The following CYRIA variants were observed in gnomAD, a reference collection of about 807,000 sequenced individuals.
CYRIA encodes CYFIP related Rac1 interactor A, also known as CYFIP-related Rac1 interactor A.
In CYRIA, 15 loss-of-function variants were observed where a neutral mutation model predicts 43.9. The ratio of observed to expected loss-of-function variants is 0.34; its 90% CI spans 0.23 to 0.53. CYRIA has a LOEUF of 0.53. Ranked by LOEUF, CYRIA falls within the 20% of genes least tolerant of loss-of-function variation. CYRIA has a pLI of 0.94. For synonymous variants in CYRIA, 117 were observed against 136.0 expected (o/e 0.86, Z 0.97); for missense variants, 236 against 394.2 (o/e 0.60, Z 3.40).
chr2:16,588,751 T>C (rs1667821875), intron 2 of CYRIA, among the ~76,000 whole-genome samples: 1 of 152,110 alleles, frequency 6.6e-6, no homozygotes, highest in African/African-American at 2.4e-5. Context: ...GAGGCCAGAT[T>C]TCTCAGAGGA....
chr2:16,656,538 G>T (rs985742809), intron 1 of CYRIA, among the ~76,000 whole-genome samples: 1 of 152,164 alleles, frequency 6.6e-6, no homozygotes, highest in Non-Finnish European at 1.5e-5. Context: ...TCACTCCTCC[G>T]TGGTGGAAGC....
intron 3 of CYRIA, among the ~76,000 whole-genome samples, chr2:16,583,242 G>A (rs1176171486): frequency 6.6e-6 from 1 of 152,196 alleles, no homozygotes; most frequent in East Asian, 1.9e-4. Context: ...TTTACTTGAA[G>A]TGAGAATGCA....
rs183886867 is a variant in CYRIA at position 16,648,367 on chromosome 2, G to T, written c.-167+17413C>A. Among the ~76,000 whole-genome samples, 164 of 151,360 alleles carry T rather than the reference G, an allele frequency of 1.1e-3. 1 individual carries two copies. The highest frequency in any genetic ancestry group is 1.2e-3 in the Non-Finnish European group (82 of 67,916). On this transcript the variant is annotated intron_variant, in intron 1 of 11. Transcript: ENST00000381323. ...AGAATGTAATGAATAGTAAGCATTT[G>T]GGACAGCCCCAAAGAAAGACACAAC...
At chr2:16,628,400 G>A (rs1408109456) in intron 1 of CYRIA, among the ~76,000 whole-genome samples, 1 of 152,202 alleles carries the variant, frequency 6.6e-6, no homozygotes, top group African/African-American at 2.4e-5. Flanking sequence ...TCAAAGCCGT[G>A]TGTGCTGTGA....
At chr2:16,614,417 A>C (rs982127621) in intron 2 of CYRIA, among the ~76,000 whole-genome samples, 1 of 152,242 alleles carries the variant, frequency 6.6e-6, no homozygotes, top group African/African-American at 2.4e-5. Context: ...GTGTAAGCCC[A>C]GCCTGGCTCC....
At chr2:16,586,226 C>T (rs1005775484) in intron 3 of CYRIA, among the ~76,000 whole-genome samples, 1 of 151,992 alleles carries the variant, frequency 6.6e-6, no homozygotes, top group African/African-American at 2.4e-5. Context: ...CTATTTTGGC[C>T]TTTGTACACA....
intron 10 of CYRIA, among the ~76,000 whole-genome samples, chr2:16,558,038 C>T (rs547802792): frequency 1.1e-4 from 16 of 152,054 alleles, no homozygotes; most frequent in Admixed American, 2.6e-4. Flanking sequence ...CAAAATAGCA[C>T]GTAAAGCAGG....
intron 3 of CYRIA, among the ~76,000 whole-genome samples, chr2:16,572,075 A>C (rs1165308678): frequency 6.6e-6 from 1 of 152,160 alleles, no homozygotes; most frequent in Non-Finnish European, 1.5e-5. Flanking sequence ...AAGTTCCTGC[A>C]GGCTGTCTAT....
intron 1 of CYRIA, among the ~76,000 whole-genome samples, chr2:16,654,166 C>T (rs1163963733): frequency 6.6e-6 from 1 of 152,204 alleles, no homozygotes; most frequent in Non-Finnish European, 1.5e-5. Flanking sequence ...CTCTATAAAA[C>T]TGCAGCCTGT....
intron 1 of CYRIA, among the ~76,000 whole-genome samples, chr2:16,642,665 C>A (rs1263468537): frequency 2.0e-5 from 3 of 152,172 alleles, no homozygotes; most frequent in Non-Finnish European, 2.9e-5. Flanking sequence ...CCGACCTCAT[C>A]CACAGCTACT....
intron 1 of CYRIA, among the ~76,000 whole-genome samples, chr2:16,665,302 G>A (rs570192653): frequency 1.3e-5 from 2 of 152,108 alleles, no homozygotes; most frequent in African/African-American, 4.8e-5. Context: ...GGCTAAGAAC[G>A]TCTGTGGCAG....
At chr2:16,609,066 C>T (rs915600881) in intron 2 of CYRIA, among the ~76,000 whole-genome samples, 3 of 152,208 alleles carry the variant, frequency 2.0e-5, no homozygotes, top group African/African-American at 4.8e-5. Flanking sequence ...TGCACACACA[C>T]AAGCGGACAT....
At chr2:16,663,023 T>A (rs1301861122) in intron 1 of CYRIA, among the ~76,000 whole-genome samples, 1 of 152,260 alleles carries the variant, frequency 6.6e-6, no homozygotes, top group African/African-American at 2.4e-5. Context: ...GGATTCAACA[T>A]CAAGGCTGGG....
At chr2:16,644,534 T>C (rs1366314467) in intron 1 of CYRIA, among the ~76,000 whole-genome samples, 3 of 152,214 alleles carry the variant, frequency 2.0e-5, no homozygotes, top group African/African-American at 4.8e-5. Flanking sequence ...TGTCACACTG[T>C]TGCTGGGGCT....
chr2:16,610,712 A>G (rs1420308775), intron 2 of CYRIA, among the ~76,000 whole-genome samples: 1 of 151,946 alleles, frequency 6.6e-6, no homozygotes, highest in Non-Finnish European at 1.5e-5. Flanking sequence ...TAAAGTTCCT[A>G]GAAATTACAA....
At chr2:16,662,903 T>C (rs947461091) in intron 1 of CYRIA, among the ~76,000 whole-genome samples, 4 of 151,956 alleles carry the variant, frequency 2.6e-5, no homozygotes, top group African/African-American at 7.2e-5. Flanking sequence ...CATGACTAAA[T>C]TTTTTTTTGA....
intron 1 of CYRIA, among the ~76,000 whole-genome samples, chr2:16,630,709 G>T (rs1415167684): frequency 6.6e-6 from 1 of 152,050 alleles, no homozygotes; most frequent in Admixed American, 6.6e-5. Context: ...TGAGGAAGTG[G>T]GAGACACATT....
At position 16,650,725 on chromosome 2, in the gene CYRIA, C is replaced by T. The variant is rs998872485; in HGVS notation, c.-167+15055G>A. On this transcript the variant is annotated intron_variant, in intron 1 of 11. Transcript: ENST00000381323. This position sits in a 1 kb window ranked among gnomAD's most constrained non-coding sequence, Gnocchi z 4.1. Reference sequence around the variant, plus strand: ...AGAATGCCCATTACATGCCTGCAACCGGCACCGGGAATGGCAACAATCAGA... The same window carrying T: ...AGAATGCCCATTACATGCCTGCAACTGGCACCGGGAATGGCAACAATCAGA... Among the ~76,000 whole-genome samples, 3 of 152,256 alleles carry T rather than the reference C, an allele frequency of 2.0e-5. No individual in the cohort carries two copies. Among genetic ancestry groups the T allele is most frequent in the East Asian group, 1.9e-4 (1 of 5,156 alleles).
chr2:16,588,258 G>C (rs1368634299), intron 2 of CYRIA, 129 bp from the exon 3 acceptor site: 1 of 559,868 alleles, frequency 1.8e-6, no homozygotes, highest in African/African-American at 1.9e-5. Flanking sequence ...CAGGGGTTGA[G>C]CAATAATGTA....
Sources: allele counts gnomAD v4.1 joint callset (sites outside exome capture counted in the v4.1 genomes callset), GRCh38; gene constraint gnomAD v4.1.1; non-coding constraint Gnocchi (gnomAD v3.1); transcripts MANE v1.5; gene names NCBI Gene and HGNC (gene_info 2026-07-23, HGNC 2026-07-21).